LRP1B: variants seen among roughly 807,000 people sequenced by gnomAD.
LRP1B encodes low-density lipoprotein receptor-related protein 1B.
A neutral mutation model predicts 556.6 loss-of-function variants in LRP1B; 217 were observed. The ratio of observed to expected loss-of-function variants is 0.39; its 90% CI spans 0.35 to 0.44. The LOEUF (loss-of-function observed/expected upper bound fraction) is 0.44. Ranked by LOEUF, LRP1B falls within the 20% of genes least tolerant of loss-of-function variation. The pLI is 1.00. For missense variants in LRP1B, 5,053 were observed against 5,620.8 expected (o/e 0.90, Z 3.23); for synonymous variants, 2,047 against 1,865.8 (o/e 1.10, Z -2.50).
chr2:141,271,545 T>C (rs575266628), intron 3 of LRP1B, among the ~76,000 whole-genome samples: 1 of 151,966 alleles, frequency 6.6e-6, no homozygotes, highest in Admixed American at 6.5e-5. Flanking sequence ...AGACTCGTTA[T>C]TGGAACCTAT....
chr2:141,616,300 A>G (rs1054730026), intron 2 of LRP1B, among the ~76,000 whole-genome samples: 1 of 145,804 alleles, frequency 6.9e-6, no homozygotes, highest in Non-Finnish European at 1.5e-5. Flanking sequence ...AAAAAAAAAA[A>G]AGAAAAAAAA....
intron 7 of LRP1B, among the ~76,000 whole-genome samples, chr2:141,136,517 C>A (rs1217885914): frequency 6.6e-6 from 1 of 151,200 alleles, no homozygotes; most frequent in Non-Finnish European, 1.5e-5. Context: ...AATTTTATTT[C>A]CTTTCCTGCT....
chr2:141,193,510 C>T (rs1681610202), intron 6 of LRP1B, among the ~76,000 whole-genome samples: 1 of 151,922 alleles, frequency 6.6e-6, no homozygotes, highest in African/African-American at 2.4e-5. Flanking sequence ...ACTTCATGTT[C>T]TCATGTATTA....
At chr2:140,303,487 T>A (rs575028677) in intron 83 of LRP1B, among the ~76,000 whole-genome samples, 90 of 151,964 alleles carry the variant, frequency 5.9e-4, no homozygotes, top group Non-Finnish European at 9.4e-4. Flanking sequence ...GACATTGTGA[T>A]CCTCCTACCT....
chr2:141,877,778 T>C (rs981050390), intron 1 of LRP1B, among the ~76,000 whole-genome samples: 1 of 151,992 alleles, frequency 6.6e-6, no homozygotes, highest in African/African-American at 2.4e-5. Context: ...AGCAAAGTGG[T>C]ATTCCCATAG....
intron 41 of LRP1B, among the ~76,000 whole-genome samples, chr2:140,602,505 C>T (rs1049415462): frequency 3.9e-5 from 6 of 151,914 alleles, no homozygotes; most frequent in South Asian, 2.1e-4. Flanking sequence ...TAACAAAGAA[C>T]GTATACACTT....
chr2:141,951,998 C>T (rs1278728737), intron 1 of LRP1B, among the ~76,000 whole-genome samples: 1 of 116,188 alleles, frequency 8.6e-6, no homozygotes, highest in African/African-American at 3.3e-5. Context: ...CCCCCCTCCC[C>T]TCTCCCCCCA....
intron 32 of LRP1B, among the ~76,000 whole-genome samples, chr2:140,798,094 A>G (rs1161253106): frequency 6.6e-6 from 1 of 152,098 alleles, no homozygotes; most frequent in Non-Finnish European, 1.5e-5. Context: ...CCATCTGATA[A>G]ACTTGATTTG....
intron 3 of LRP1B, among the ~76,000 whole-genome samples, chr2:141,340,757 G>A (rs960235085): frequency 1.3e-5 from 2 of 152,088 alleles, no homozygotes; most frequent in African/African-American, 2.4e-5. Context: ...AATACCCCTT[G>A]AAAAGTAGTC....
intron 1 of LRP1B, among the ~76,000 whole-genome samples, chr2:142,057,396 A>G (rs1704715684): frequency 6.6e-6 from 1 of 152,118 alleles, no homozygotes; most frequent in Non-Finnish European, 1.5e-5. Context: ...TGGAAATGCA[A>G]ACTCTCTTAT....
chr2:140,548,415 A>G (rs776886185), intron 43 of LRP1B, among the ~76,000 whole-genome samples: 39 of 152,304 alleles, frequency 2.6e-4, no homozygotes, highest in Middle Eastern at 6.8e-3. Context: ...AAAGTGGCAA[A>G]GTTGCACCCA....
chr2:141,991,337 T>TATGAGAAAA (rs1181926910), intron 1 of LRP1B, among the ~76,000 whole-genome samples: 1 of 152,054 alleles, frequency 6.6e-6, no homozygotes, highest in Non-Finnish European at 1.5e-5. Context: ...ATGTCCAGCA[T>TATGAGAAAA]ATTGTGATCA....
chr2:141,362,487 C>T (rs1038981837), intron 3 of LRP1B, among the ~76,000 whole-genome samples: 13 of 152,278 alleles, frequency 8.5e-5, no homozygotes, highest in East Asian at 1.9e-4. Flanking sequence ...GTGTGAGCAG[C>T]GAATGGCTAG....
At position 141,697,713 on chromosome 2, in the gene LRP1B, A is replaced by G. The variant is rs546583866; in HGVS notation, c.205+112566T>C. The stretch of plus-strand genomic sequence containing the variant: ...TGAACATCAAACATGCTTGAAACGA[A>G]TTAAGAGTCATCAATAGACTACAGA... On this transcript the variant is annotated intron_variant, in intron 2 of 90. Coordinates refer to ENST00000389484, the MANE Select transcript of LRP1B (RefSeq NM_018557.3). 6.7e-4 allele frequency among the ~76,000 whole-genome samples: 102 copies of G among 152,042 alleles called. 1 individual carries two copies. Among genetic ancestry groups the G allele is most frequent in the African/African-American group, 2.4e-3 (98 of 41,512 alleles).
chr2:141,583,809 G>A (rs1213814026), intron 2 of LRP1B, among the ~76,000 whole-genome samples: 3 of 151,786 alleles, frequency 2.0e-5, no homozygotes, highest in African/African-American at 7.3e-5. Flanking sequence ...GCACTATCTC[G>A]GCTCACTGCA....
At chr2:140,642,079 G>T (rs1684315853) in intron 41 of LRP1B, among the ~76,000 whole-genome samples, 2 of 152,254 alleles carry the variant, frequency 1.3e-5, no homozygotes, top group South Asian at 2.1e-4. Flanking sequence ...CCTTCATAGA[G>T]GTTTCTGGGG....
chr2:140,865,766 T>C (rs867903065), intron 27 of LRP1B, among the ~76,000 whole-genome samples: 13 of 152,212 alleles, frequency 8.5e-5, no homozygotes, highest in Middle Eastern at 3.4e-3. Context: ...TACATCCACA[T>C]AGTAAAATCT....
At chr2:140,773,042 G>T (rs1161580254) in intron 33 of LRP1B, among the ~76,000 whole-genome samples, 1 of 152,134 alleles carries the variant, frequency 6.6e-6, no homozygotes, top group Non-Finnish European at 1.5e-5. Context: ...AGGCTGCAGA[G>T]ATTATACCAC....
intron 37 of LRP1B, among the ~76,000 whole-genome samples, chr2:140,705,521 C>CAAAAAAAAAAAAAAA (rs565447198): frequency 4.4e-5 from 3 of 68,228 alleles, no homozygotes; most frequent in Non-Finnish European, 7.6e-5. Flanking sequence ...GAGACTGTCT[C>CAAAAAAAAAAAAAAA]AAAAAAAAAA....
Sources: allele counts gnomAD v4.1 joint callset (sites outside exome capture counted in the v4.1 genomes callset), GRCh38; gene constraint gnomAD v4.1.1; transcripts MANE v1.5; gene names NCBI Gene and HGNC (gene_info 2026-07-23, HGNC 2026-07-21).